SEMA3D: variants seen among roughly 807,000 people sequenced by gnomAD.
SEMA3D encodes semaphorin-3D.
A neutral mutation model predicts 100.1 loss-of-function variants in SEMA3D; 84 were observed. That is an observed-to-expected ratio of 0.84 (90% CI 0.70 to 1.01). The LOEUF (loss-of-function observed/expected upper bound fraction) is 1.01, where lower values mean the gene tolerates loss of function less well. Among genes scored for constraint, SEMA3D ranks in the 50% least tolerant of loss-of-function variants. The probability of loss-of-function intolerance (pLI) is 0.00; values close to 1 mark genes in which losing one functional copy is unlikely to be tolerated. For missense variants in SEMA3D, 875 were observed against 934.1 expected, an observed-to-expected ratio of 0.94 and a Z score of 0.82; for synonymous variants, 312 against 320.7, an observed-to-expected ratio of 0.97 and a Z score of 0.29.
chr7:85,091,577 G>A (rs1239985317), intron 4 of SEMA3D, among the ~76,000 whole-genome samples: 1 of 151,784 alleles, frequency 6.6e-6, no homozygotes, highest in Admixed American at 6.6e-5. Context: ...TTTACATAGA[G>A]AGGGCTCTGG....
intron 3 of SEMA3D, among the ~76,000 whole-genome samples, chr7:85,101,995 T>C (rs1273153928): frequency 6.6e-6 from 1 of 152,030 alleles, no homozygotes; most frequent in Non-Finnish European, 1.5e-5. Context: ...ATTTAGTGTG[T>C]ATTAAGTGTT....
At chr7:85,241,321 G>A in the SEMA3D span, among the ~76,000 whole-genome samples, 1 of 151,384 alleles carries the variant, frequency 6.6e-6, no homozygotes, top group East Asian at 2.0e-4. Context: ...TCCAGATAGT[G>A]GGTATCTACC....
In SEMA3D at chr7:84,999,272, A is replaced by AT. The variant is rs1158120385; in HGVS notation, c.*167dup. 24 of 586,262 alleles carry AT rather than the reference A, an allele frequency of 4.1e-5. No individual in the cohort carries two copies. Among genetic ancestry groups the AT allele is most frequent in the Non-Finnish European group, 6.8e-5 (23 of 340,278 alleles). 36.3% of individuals were successfully genotyped at this position (586,262 alleles called of 1,614,324 possible). A position where few individuals can be genotyped will look rare whatever the true frequency, so the allele number is the denominator to read the frequency against. ...GTTCTTGGAAAACTGGTTCAAATGA[A>AT]TTTTTTGCCCTTTCTTATATTCATC... On this transcript the variant is annotated 3_prime_UTR_variant, in exon 19 of 19. Transcript: ENST00000284136.
intron 6 of SEMA3D, among the ~76,000 whole-genome samples, chr7:85,068,886 C>G (rs572424483): frequency 3.9e-5 from 6 of 152,176 alleles, no homozygotes; most frequent in African/African-American, 1.4e-4. Flanking sequence ...CACATTAAAC[C>G]ACATAGTTAT....
intron 1 of SEMA3D, among the ~76,000 whole-genome samples, chr7:85,160,201 T>TG (rs1264308368): frequency 6.8e-6 from 1 of 146,024 alleles, no homozygotes; most frequent in Non-Finnish European, 1.6e-5. Context: ...AGTAAATACG[T>TG]GTTTTTTTTA....
Position 85,121,943 on chromosome 7 carries a change from T to TAA in SEMA3D, c.-40-14_-40-13dup, listed in dbSNP as rs375445705. ...GGTGTTAATTTAATCTAAAAAAGAG[T>TAA]AAAAAAAAAAAAACTATTAAGGTAT... is the stretch of plus-strand genomic sequence containing the variant. On this transcript the variant is annotated splice_polypyrimidine_tract_variant and intron_variant, in intron 2 of 18. Coordinates refer to ENST00000284136, the MANE Select transcript of SEMA3D (RefSeq NM_001384900.1). The TAA allele has an allele frequency of 9.9e-4, 1,040 of 1,045,360 alleles. No individual in the cohort carries two copies. Among genetic ancestry groups the TAA allele is most frequent in the South Asian group, 2.0e-3 (105 of 51,882 alleles). The allele number at this position is 1,045,360 out of a possible 1,614,324, so 64.8% of individuals were successfully genotyped here.
intron 9 of SEMA3D, among the ~76,000 whole-genome samples, chr7:85,054,035 T>A (rs144509266): frequency 0.016 from 2,396 of 152,024 alleles, 27 homozygotes; most frequent in Middle Eastern, 0.068. Flanking sequence ...ATTACATGGT[T>A]GATGTTTAGA....
intron 13 of SEMA3D, among the ~76,000 whole-genome samples, chr7:85,020,710 T>A (rs1790231418): frequency 6.6e-6 from 1 of 151,704 alleles, no homozygotes; most frequent in South Asian, 2.1e-4. Context: ...ATGTAATATA[T>A]ATTTATTAAG....
intron 9 of SEMA3D, 64 bp downstream of exon 9, chr7:85,055,653 T>C (rs1022376356): frequency 1.1e-3 from 64 of 59,802 alleles, no homozygotes; most frequent in Non-Finnish European, 1.3e-3. Context: ...TACATATATA[T>C]ATATATATAT....
At chr7:85,206,764 A>G in the SEMA3D span, among the ~76,000 whole-genome samples, 2 of 152,012 alleles carry the variant, frequency 1.3e-5, no homozygotes, top group Non-Finnish European at 2.9e-5. Flanking sequence ...GGGCCTGGAG[A>G]GGAGGAGGAA....
chr7:85,222,025 C>G, the SEMA3D span, among the ~76,000 whole-genome samples: 3 of 151,982 alleles, frequency 2.0e-5, no homozygotes, highest in African/African-American at 7.2e-5. Flanking sequence ...AATCCCCAAT[C>G]AAATTTAGCT....
chr7:85,074,618 C>A (rs980344550), intron 5 of SEMA3D, among the ~76,000 whole-genome samples: 2 of 149,062 alleles, frequency 1.3e-5, no homozygotes, highest in African/African-American at 5.0e-5. Context: ...AATGTTTCAA[C>A]TGGCATATAT....
chr7:85,005,179 A>G (rs1176600190), intron 18 of SEMA3D, among the ~76,000 whole-genome samples: 1 of 152,078 alleles, frequency 6.6e-6, no homozygotes, highest in Non-Finnish European at 1.5e-5. Context: ...GAAATTCAAA[A>G]TATTGGTTTG....
intron 8 of SEMA3D, among the ~76,000 whole-genome samples, chr7:85,057,809 T>C (rs555749329): frequency 1.4e-4 from 22 of 152,238 alleles, no homozygotes; most frequent in East Asian, 9.7e-4. Flanking sequence ...TGCACATCTG[T>C]AATCCCAGCT....
In SEMA3D at chr7:85,015,208, C is replaced by T. The variant is rs1329361877; in HGVS notation, c.1554G>A (p.Leu518=). 1.9e-6 allele frequency: 3 copies of T among 1,606,126 alleles called. No homozygotes were observed. The highest frequency in any genetic ancestry group is 1.7e-6 in the Non-Finnish European group (2 of 1,174,144). ...NMELSLKQQQ[L]YIGSRDGLVQ... is the part of the protein sequence containing the mutation. The stretch of plus-strand genomic sequence containing the variant: ...CCAATCCATCTCGGGAACCAATGTA[C>T]AATTGTTGCTGCAAATCGGGCAAAA... The change falls in exon 16 of 19, where the codon TTG becomes TTA. Residue 518 remains leucine, a synonymous_variant. Coordinates refer to ENST00000284136, the MANE Select transcript of SEMA3D (RefSeq NM_001384900.1).
chr7:85,111,109 C>A (rs1789080891), intron 3 of SEMA3D, among the ~76,000 whole-genome samples: 1 of 152,018 alleles, frequency 6.6e-6, no homozygotes, highest in African/African-American at 2.4e-5. Flanking sequence ...CTTTTCAGTT[C>A]ACTTTGCAGT....
intron 3 of SEMA3D, among the ~76,000 whole-genome samples, chr7:85,104,328 C>A (rs935200895): frequency 2.0e-5 from 3 of 151,948 alleles, no homozygotes; most frequent in African/African-American, 7.2e-5. Context: ...ACATAGTAGA[C>A]CATTAAGTAT....
intron 3 of SEMA3D, among the ~76,000 whole-genome samples, chr7:85,104,031 C>A (rs1788828389): frequency 6.6e-6 from 1 of 151,920 alleles, no homozygotes; most frequent in Admixed American, 6.6e-5. Context: ...TGATATCTTA[C>A]CAGAAGTCAC....
At chr7:85,019,417 T>C (rs573902647) in intron 14 of SEMA3D, among the ~76,000 whole-genome samples, 4 of 151,798 alleles carry the variant, frequency 2.6e-5, no homozygotes, top group African/African-American at 9.6e-5. Context: ...CCTTGACCAC[T>C]ATTATCATCA....
Sources: allele counts gnomAD v4.1 joint callset (sites outside exome capture counted in the v4.1 genomes callset), GRCh38; gene constraint gnomAD v4.1.1; transcripts MANE v1.5; gene names NCBI Gene and HGNC (gene_info 2026-07-23, HGNC 2026-07-21).